Variants in NAMPT observed in about 807,000 individuals in gnomAD.
NAMPT encodes nicotinamide phosphoribosyltransferase.
In NAMPT, 7 loss-of-function variants were observed where a neutral mutation model predicts 58.7. That is an observed-to-expected ratio of 0.12 (90% CI 0.07 to 0.22). The LOEUF is 0.22. Ranked by LOEUF, NAMPT falls within the 10% of genes least tolerant of loss-of-function variation. The pLI, the probability that NAMPT is intolerant of heterozygous loss-of-function variation, is 1.00. For synonymous variants in NAMPT, 145 were observed against 198.1 expected, an observed-to-expected ratio of 0.73 and a Z score of 2.25; for missense variants, 271 against 567.9, an observed-to-expected ratio of 0.48 and a Z score of 5.31.
In NAMPT at chr7:106,261,080, A is replaced by G. The variant is rs117832949; in HGVS notation, c.1089+508T>C. 2.6e-3 allele frequency among the ~76,000 whole-genome samples: 393 copies of G among 152,338 alleles called. 2 individuals are homozygous for G. The highest frequency in any genetic ancestry group is 4.5e-3 in the Non-Finnish European group (309 of 68,030). ...AACCTTCAATTTGTAAAAAAATGCAATGTTTGCAAAGCACAATAAAATGAG... is the reference window on the plus strand; with the variant it reads ...AACCTTCAATTTGTAAAAAAATGCAGTGTTTGCAAAGCACAATAAAATGAG... On this transcript the variant is annotated intron_variant, in intron 8 of 10. Coordinates refer to ENST00000222553, the MANE Select transcript of NAMPT (RefSeq NM_005746.3).
chr7:106,277,522 A>G (rs1792671414), intron 1 of NAMPT, among the ~76,000 whole-genome samples: 1 of 152,208 alleles, frequency 6.6e-6, no homozygotes, highest in African/African-American at 2.4e-5. Context: ...CACAACAGAA[A>G]GGAATGAACT....
intron 8 of NAMPT, among the ~76,000 whole-genome samples, chr7:106,257,812 T>C (rs1415652495): frequency 1.3e-5 from 2 of 152,176 alleles, no homozygotes; most frequent in East Asian, 1.9e-4. Flanking sequence ...CAAGGAAAGG[T>C]AGGCACAGCA....
At chr7:106,275,370 C>G (rs1326776317) in intron 2 of NAMPT, 1 of 165,568 alleles carries the variant, frequency 6.0e-6, no homozygotes, top group East Asian at 1.7e-4. Context: ...TGAGATGACT[C>G]AAAAGCTTCT....
At chr7:106,276,800 C>T (rs974259128) in intron 2 of NAMPT, 3 of 427,000 alleles carry the variant, frequency 7.0e-6, no homozygotes, top group Non-Finnish European at 1.3e-5. Context: ...TGAGATCATG[C>T]CATTGCACTC....
In NAMPT at chr7:106,249,310, AAAC is replaced by A. The variant is rs1216609362; in HGVS notation, c.*1770_*1772del. On this transcript the variant is annotated 3_prime_UTR_variant, in exon 11 of 11. Transcript: ENST00000222553. Reference sequence around the variant, plus strand: ...TATTCTTTCTAATACCACTTACAAAAAACATTTAATGAAGATAACACTTCTAAT... The same window carrying A: ...TATTCTTTCTAATACCACTTACAAAAATTTAATGAAGATAACACTTCTAAT... The A allele has an allele frequency of 2.0e-5, 3 of 152,546 alleles. No homozygotes were observed. The highest frequency in any genetic ancestry group is 4.4e-5 in the Non-Finnish European group (3 of 67,978). The allele number at this position is 152,546 out of a possible 1,614,324, so 9.4% of individuals were successfully genotyped here.
intron 8 of NAMPT, among the ~76,000 whole-genome samples, chr7:106,257,093 G>A (rs1008356311): frequency 3.3e-5 from 5 of 151,644 alleles, no homozygotes; most frequent in Non-Finnish European, 7.4e-5. Context: ...GCAGTGAGCT[G>A]AGATTGTGCC....
intron 2 of NAMPT, chr7:106,276,773 C>T (rs1006664168): frequency 4.4e-5 from 15 of 341,796 alleles, no homozygotes; most frequent in South Asian, 2.3e-4. Context: ...AACCAGGAGG[C>T]GGAGGTTGCG....
chr7:106,270,143 CTTGG>C (rs1792504308), intron 4 of NAMPT: 1 of 213,674 alleles, frequency 4.7e-6, no homozygotes, highest in Non-Finnish European at 1.1e-5. Flanking sequence ...CCCCTTTTTT[CTTGG>C]TTGTCAGGAA....
At chr7:106,265,368 T>C (rs1586018012) in intron 6 of NAMPT, among the ~76,000 whole-genome samples, 1 of 152,132 alleles carries the variant, frequency 6.6e-6, no homozygotes, top group African/African-American at 2.4e-5. Flanking sequence ...TGAATTTTCC[T>C]GATGCTTTCT....
At chr7:106,278,397 G>C (rs1436448009) in intron 1 of NAMPT, among the ~76,000 whole-genome samples, 2 of 152,084 alleles carry the variant, frequency 1.3e-5, no homozygotes, top group East Asian at 1.9e-4. Context: ...AGTGATCTGA[G>C]AGTTTAAGTC....
rs759408308 is a variant in NAMPT at position 106,263,377 on chromosome 7, C to T, written c.969+15G>A. On this transcript the variant is annotated intron_variant, in intron 7 of 10. Coordinates refer to ENST00000222553, the MANE Select transcript of NAMPT (RefSeq NM_005746.3). ...CAGAGGGATTCTAATAATAAAGTTA[C>T]ATATGAAAATTTACCTTTAACACAG... The T allele has an allele frequency of 2.0e-5, 31 of 1,544,882 alleles. No individual in the cohort carries two copies. The Admixed American group carries it at 5.0e-4, about 25-fold the overall frequency.
At chr7:106,277,900 A>G (rs930191294) in intron 1 of NAMPT, among the ~76,000 whole-genome samples, 1 of 152,228 alleles carries the variant, frequency 6.6e-6, no homozygotes. Flanking sequence ...TAAGAAAGAA[A>G]AAGTAAAAAG....
intron 4 of NAMPT, among the ~76,000 whole-genome samples, chr7:106,269,766 G>A (rs997451439): frequency 1.3e-5 from 2 of 152,096 alleles, no homozygotes; most frequent in African/African-American, 4.8e-5. Flanking sequence ...GGATCAAATA[G>A]GGCATGAACC....
At chr7:106,285,594 C>T, upstream of NAMPT, 1 of 985,914 alleles carries the variant, frequency 1.0e-6, no homozygotes, top group Non-Finnish European at 1.2e-6. Flanking sequence ...TCCCTCTTGT[C>T]CCTCCTGATC....
intron 8 of NAMPT, among the ~76,000 whole-genome samples, chr7:106,256,487 C>A (rs552357216): frequency 1.3e-5 from 2 of 152,288 alleles, no homozygotes; most frequent in Admixed American, 6.5e-5. Flanking sequence ...AAACTGAATT[C>A]TTTTTCCTGC....
chr7:106,262,155 C>G (rs893314658), intron 7 of NAMPT, among the ~76,000 whole-genome samples: 1 of 152,068 alleles, frequency 6.6e-6, no homozygotes. Flanking sequence ...CCAGTTCAAT[C>G]ACAAAGTTCA....
upstream of NAMPT, chr7:106,285,111 GCTCTGGCGGA>G: frequency 1.5e-6 from 2 of 1,336,540 alleles, no homozygotes; most frequent in Non-Finnish European, 1.9e-6. Flanking sequence ...CAGTCTGGGA[GCTCTGGCGGA>G]CTCCCCACCT....
intron 3 of NAMPT, among the ~76,000 whole-genome samples, chr7:106,274,413 C>G (rs780211623): frequency 6.6e-6 from 1 of 151,744 alleles, no homozygotes; most frequent in African/African-American, 2.4e-5. Flanking sequence ...ATGGGGGATG[C>G]GGGGAGAGGG....
rs1792053874 is a variant in NAMPT, at chr7:106,248,459, C to G, written c.*2624G>C. The stretch of plus-strand genomic sequence containing the variant: ...ACTACAAAATACTTAAGTGTGAGTT[C>G]TAAATTATGGCAAACAGAACAATAA... On this transcript the variant is annotated 3_prime_UTR_variant, in exon 11 of 11. Coordinates refer to ENST00000222553, the MANE Select transcript of NAMPT (RefSeq NM_005746.3). The G allele has an allele frequency of 6.6e-6, 1 of 152,424 alleles. No homozygotes were observed. Among genetic ancestry groups the G allele is most frequent in the South Asian group, 2.1e-4 (1 of 4,830 alleles). The allele number at this position is 152,424 out of a possible 1,614,324, so 9.4% of individuals were successfully genotyped here. A position where few individuals can be genotyped will look rare whatever the true frequency, so the allele number is the denominator to read the frequency against.
Sources: allele counts gnomAD v4.1 joint callset (sites outside exome capture counted in the v4.1 genomes callset), GRCh38; gene constraint gnomAD v4.1.1; transcripts MANE v1.5; gene names NCBI Gene and HGNC (gene_info 2026-07-23, HGNC 2026-07-21).